OPHN1: variants seen among roughly 807,000 people sequenced by gnomAD.
OPHN1 encodes oligophrenin 1.
Under a neutral mutation model 60.7 loss-of-function variants are expected in OPHN1, and 11 were observed. The ratio of observed to expected loss-of-function variants is 0.18; its 90% CI spans 0.11 to 0.30. The LOEUF is 0.30. OPHN1 is among the 10% of genes least tolerant of loss of function. OPHN1 has a pLI of 1.00. For missense variants in OPHN1, 449 were observed against 611.0 expected, an observed-to-expected ratio of 0.73 and a Z score of 2.80; for synonymous variants, 226 against 222.6, an observed-to-expected ratio of 1.02 and a Z score of -0.14.
chrX:68,328,716 A>C (rs953503769), intron 2 of OPHN1, among the ~76,000 whole-genome samples: 2 of 111,759 alleles, frequency 1.8e-5, no homozygotes, highest in Non-Finnish European at 3.8e-5. Context: ...GACTCTTATA[A>C]ATCAATAATG....
At chrX:68,087,731 A>C (rs1736812402) in intron 19 of OPHN1, among the ~76,000 whole-genome samples, 1 of 111,919 alleles carries the variant, frequency 8.9e-6, no homozygotes, top group Non-Finnish European at 1.9e-5. Flanking sequence ...GGCCCTGATG[A>C]ATCCCAGCTT....
rs531187712 is a variant in OPHN1 at position 68,425,656 on chromosome X, A to G, written c.154+7211T>C. 3.2e-4 allele frequency among the ~76,000 whole-genome samples: 19 copies of G among 59,323 alleles called. No individual in the cohort carries two copies. The South Asian group carries it at 0.011, about 35-fold the overall frequency. The allele number at this position is 59,323 out of a possible 115,157, so 51.5% of individuals were successfully genotyped here. A position where few individuals can be genotyped will look rare whatever the true frequency, so the allele number is the denominator to read the frequency against. On this transcript the variant is annotated intron_variant, in intron 2 of 24. Transcript: ENST00000355520. ...CTCTAACTTTAAAAGCAAAGAATGT[A>G]AGACAGTGACCTTTTTTTAAAAAAT...
At chrX:68,378,011 C>T (rs2147738546) in intron 2 of OPHN1, among the ~76,000 whole-genome samples, 1 of 112,203 alleles carries the variant, frequency 8.9e-6, no homozygotes, top group South Asian at 3.7e-4. Context: ...ACCACACTGA[C>T]TTCCACAATG....
chrX:68,062,312 T>C, intron 21 of OPHN1, among the ~76,000 whole-genome samples: 1 of 112,467 alleles, frequency 8.9e-6, no homozygotes, highest in Middle Eastern at 4.6e-3. Flanking sequence ...ATGAAGTCTT[T>C]GTTGCTACTA....
chrX:68,384,835 G>A (rs1385797018), intron 2 of OPHN1, among the ~76,000 whole-genome samples: 1 of 111,374 alleles, frequency 9.0e-6, no homozygotes, highest in African/African-American at 3.3e-5. Flanking sequence ...GTATGTTCTC[G>A]CTTATAAGTG....
At chrX:68,090,831 G>A (rs1887482) in intron 19 of OPHN1, among the ~76,000 whole-genome samples, 53,336 of 110,186 alleles carry the variant, frequency 0.48, 11,228 homozygotes, top group South Asian at 0.7. Context: ...ATCTTAAGCA[G>A]TAAGACTAAA....
chrX:68,230,981 C>A (rs1895595574), intron 6 of OPHN1, among the ~76,000 whole-genome samples: 1 of 111,015 alleles, frequency 9.0e-6, no homozygotes, highest in Non-Finnish European at 1.9e-5. Flanking sequence ...AAAGCTGGTT[C>A]TTTGAAAAAA....
chrX:68,427,089 TAA>T (rs11446400), intron 2 of OPHN1, among the ~76,000 whole-genome samples: 1 of 72,704 alleles, frequency 1.4e-5, no homozygotes, highest in African/African-American at 5.1e-5. Flanking sequence ...CCATCTCTAC[TAA>T]AAAAAAAAAA....
intron 5 of OPHN1, among the ~76,000 whole-genome samples, chrX:68,235,015 CTAA>C (rs757053222): frequency 3.4e-4 from 38 of 112,050 alleles, no homozygotes; most frequent in African/African-American, 1.1e-3. Context: ...ACTTAGACAG[CTAA>C]TAATAAGTAA....
Position 68,392,109 on chromosome X carries a change from C to T in OPHN1, c.154+40758G>A, listed in dbSNP as rs758517578. ...CACAGGTTTGAACTTCACAGATCCA[C>T]TTATATGAAGATTTTCTTCCTCTTC... is the stretch of plus-strand genomic sequence containing the variant. On this transcript the variant is annotated intron_variant, in intron 2 of 24. Coordinates refer to ENST00000355520, the MANE Select transcript of OPHN1 (RefSeq NM_002547.3). 3.4e-4 allele frequency among the ~76,000 whole-genome samples: 38 copies of T among 111,686 alleles called. 1 individual carries two copies. The highest frequency in any genetic ancestry group is 6.8e-4 in the Non-Finnish European group (36 of 53,221).
At chrX:68,356,992 A>C (rs1274404075) in intron 2 of OPHN1, among the ~76,000 whole-genome samples, 1 of 111,781 alleles carries the variant, frequency 8.9e-6, no homozygotes, top group Non-Finnish European at 1.9e-5. Flanking sequence ...GGGGAAAATA[A>C]GGAGTTACTG....
chrX:68,120,519 T>C (rs1277552213), intron 15 of OPHN1, among the ~76,000 whole-genome samples: 4 of 112,066 alleles, frequency 3.6e-5, no homozygotes, highest in Non-Finnish European at 7.5e-5. Context: ...AAATAGTCCA[T>C]GTTCATGGAT....
intron 19 of OPHN1, among the ~76,000 whole-genome samples, chrX:68,077,505 T>C (rs1008747706): frequency 3.6e-5 from 4 of 112,489 alleles, no homozygotes; most frequent in Non-Finnish European, 7.5e-5. Context: ...GGTGGTGATG[T>C]AGATTTGTAA....
chrX:68,190,019 G>A (rs1168937737), intron 15 of OPHN1, among the ~76,000 whole-genome samples: 1 of 110,445 alleles, frequency 9.1e-6, no homozygotes, highest in Non-Finnish European at 1.9e-5. Flanking sequence ...GTAACCAAAA[G>A]GCAATGGATG....
chrX:68,393,290 G>C (rs866590412), intron 2 of OPHN1, among the ~76,000 whole-genome samples: 1 of 111,938 alleles, frequency 8.9e-6, no homozygotes, highest in African/African-American at 3.2e-5. Flanking sequence ...AAAAAACAGT[G>C]ATTTTGTTTG....
chrX:68,319,801 C>T (rs1055678714), intron 2 of OPHN1, among the ~76,000 whole-genome samples: 2 of 110,214 alleles, frequency 1.8e-5, no homozygotes, highest in Non-Finnish European at 3.8e-5. Context: ...CAATTTTGCT[C>T]TACAAAAGAC....
chrX:68,087,277 G>A (rs890401459), intron 19 of OPHN1, among the ~76,000 whole-genome samples: 2 of 112,334 alleles, frequency 1.8e-5, no homozygotes, highest in South Asian at 3.7e-4. Flanking sequence ...CTCAATATCC[G>A]AGGAATATTA....
intron 15 of OPHN1, among the ~76,000 whole-genome samples, chrX:68,128,583 G>A (rs1038500971): frequency 9.0e-6 from 1 of 111,380 alleles, no homozygotes; most frequent in Non-Finnish European, 1.9e-5. Flanking sequence ...AAAGACTTCC[G>A]TAAATGAAAA....
intron 15 of OPHN1, among the ~76,000 whole-genome samples, chrX:68,129,979 C>A (rs891888573): frequency 9.0e-6 from 1 of 111,361 alleles, no homozygotes; most frequent in Non-Finnish European, 1.9e-5. Context: ...TATCACCCCT[C>A]TTCTTCAATT....
Sources: gnomAD v4.1 joint callset for allele counts (sites outside exome capture counted in the v4.1 genomes callset) on GRCh38, gnomAD v4.1.1 for gene constraint, MANE v1.5 for transcripts, NCBI Gene and HGNC (gene_info 2026-07-23, HGNC 2026-07-21) for gene names.